LRRIQ3: variants seen among roughly 807,000 people sequenced by gnomAD.
LRRIQ3 encodes leucine-rich repeat and IQ domain-containing protein 3.
In LRRIQ3, 75 loss-of-function variants were observed where a neutral mutation model predicts 59.3. That is an observed-to-expected ratio of 1.26 (90% CI 1.05 to 1.53). The LOEUF (loss-of-function observed/expected upper bound fraction) is 1.53, where lower values mean the gene tolerates loss of function less well. Among genes scored for constraint, LRRIQ3 ranks in the 40% most tolerant of loss-of-function variants. The pLI, the probability that LRRIQ3 is intolerant of heterozygous loss-of-function variation, is 0.00. For missense variants in LRRIQ3, 831 were observed against 710.0 expected, an observed-to-expected ratio of 1.17 and a Z score of -1.94; for synonymous variants, 250 against 231.3, an observed-to-expected ratio of 1.08 and a Z score of -0.73.
chr1:74,076,598 G>T (rs1646213241), intron 5 of LRRIQ3, among the ~76,000 whole-genome samples: 1 of 152,076 alleles, frequency 6.6e-6, no homozygotes, highest in African/African-American at 2.4e-5. Context: ...CTGTTCACTT[G>T]TTCAAACCTC....
intron 5 of LRRIQ3, chr1:74,081,830 T>A (rs1437483538): frequency 6.6e-6 from 1 of 151,434 alleles, no homozygotes; most frequent in East Asian, 1.9e-4. Context: ...AGAGTATAAC[T>A]CTCCCTTAAA....
chr1:74,135,474 C>T (rs950134549), intron 4 of LRRIQ3, among the ~76,000 whole-genome samples: 1 of 151,802 alleles, frequency 6.6e-6, no homozygotes, highest in South Asian at 2.1e-4. Flanking sequence ...GAAACATTCT[C>T]CAGGATATAT....
chr1:74,196,434 A>G (rs1651134283), intron 1 of LRRIQ3, among the ~76,000 whole-genome samples: 1 of 152,090 alleles, frequency 6.6e-6, no homozygotes, highest in Non-Finnish European at 1.5e-5. Context: ...CTTGCTGACA[A>G]TTCCCAAAAT....
intron 7 of LRRIQ3, among the ~76,000 whole-genome samples, chr1:74,031,813 T>C (rs2100360752): frequency 6.6e-6 from 1 of 152,096 alleles, no homozygotes; most frequent in Middle Eastern, 3.4e-3. Flanking sequence ...AAATAATCAA[T>C]TATATCATTA....
intron 4 of LRRIQ3, chr1:74,144,381 C>A: frequency 4.0e-6 from 1 of 247,214 alleles, no homozygotes. Context: ...TTCTGTAGTC[C>A]AGTTTAACAT....
In LRRIQ3 at chr1:74,041,365, A is replaced by G; in HGVS notation, c.1566T>C (p.Asn522=). The part of the protein sequence containing the change: ...ASERLLVQNL[N]NERTLLTRGL... ...CTCTGGTCAAAAGAGTGCGCTCATTATTTAAGTTTTGAACTAATAAACGCT... is the reference window on the plus strand; with the variant it reads ...CTCTGGTCAAAAGAGTGCGCTCATTGTTTAAGTTTTGAACTAATAAACGCT... Residue 522 remains asparagine, a synonymous_variant, in exon 7 of 8, where the codon AAT becomes AAC. Transcript: ENST00000354431. 1 of 1,613,846 alleles carries G rather than the reference A, an allele frequency of 6.2e-7. No individual in the cohort carries two copies. The highest frequency in any genetic ancestry group is 1.3e-5 in the African/African-American group (1 of 75,026).
chr1:74,040,112 A>C (rs1214404173), intron 7 of LRRIQ3, among the ~76,000 whole-genome samples: 1 of 151,782 alleles, frequency 6.6e-6, no homozygotes, highest in Non-Finnish European at 1.5e-5. Context: ...AATGGAAAGG[A>C]AAAAAGAAAA....
At chr1:74,111,615 A>T (rs1646695731) in intron 4 of LRRIQ3, among the ~76,000 whole-genome samples, 1 of 152,070 alleles carries the variant, frequency 6.6e-6, no homozygotes, top group East Asian at 1.9e-4. Context: ...AGTGGAAATT[A>T]TTTTTTTAAG....
At position 74,041,947 on chromosome 1, in the gene LRRIQ3, A is replaced by C; in HGVS notation, c.998-14T>G. On this transcript the variant is annotated splice_polypyrimidine_tract_variant and intron_variant, in intron 6 of 7. Coordinates refer to ENST00000354431, the MANE Select transcript of LRRIQ3 (RefSeq NM_001105659.2). ...CAGACTCCTGACCTACATCAAACAG[A>C]AGCAAATATTATACATTATACAAGA... The C allele has an allele frequency of 6.4e-7, 1 of 1,570,918 alleles. No homozygotes were observed. The highest frequency in any genetic ancestry group is 8.6e-7 in the Non-Finnish European group (1 of 1,162,302).
intron 3 of LRRIQ3, among the ~76,000 whole-genome samples, chr1:74,161,567 A>G (rs1180170476): frequency 6.6e-6 from 1 of 151,896 alleles, no homozygotes; most frequent in Non-Finnish European, 1.5e-5. Context: ...GGATGGGGGT[A>G]GAAGTGTTGG....
intron 3 of LRRIQ3, among the ~76,000 whole-genome samples, chr1:74,158,890 T>A (rs973831136): frequency 7.9e-5 from 12 of 152,148 alleles, no homozygotes; most frequent in African/African-American, 2.4e-4. Flanking sequence ...AAAATATTTG[T>A]TAGCCCAACT....
intron 7 of LRRIQ3, among the ~76,000 whole-genome samples, chr1:74,034,625 A>G (rs1653812624): frequency 1.1e-5 from 1 of 93,092 alleles, no homozygotes; most frequent in Non-Finnish European, 2.3e-5. Context: ...ATATTTCCAA[A>G]GCACACACAG....
At chr1:74,129,341 G>T (rs142022967) in intron 4 of LRRIQ3, among the ~76,000 whole-genome samples, 2 of 152,124 alleles carry the variant, frequency 1.3e-5, no homozygotes, top group African/African-American at 2.4e-5. Flanking sequence ...AAGCAGAGAA[G>T]TCTCTCCCTG....
chr1:74,148,662 C>T (rs145721010), intron 4 of LRRIQ3, among the ~76,000 whole-genome samples: 8 of 152,288 alleles, frequency 5.3e-5, no homozygotes, highest in African/African-American at 1.9e-4. Context: ...TTTTAAAGTA[C>T]TCGTGAGATA....
intron 6 of LRRIQ3, among the ~76,000 whole-genome samples, chr1:74,055,181 T>C (rs1557595402): frequency 5.9e-3 from 3 of 506 alleles, no homozygotes; most frequent in Non-Finnish European, 5.6e-3. Flanking sequence ...ATATACACTT[T>C]ATATATATAT....
intron 5 of LRRIQ3, among the ~76,000 whole-genome samples, chr1:74,075,383 A>G (rs1003797444): frequency 3.3e-5 from 5 of 152,050 alleles, no homozygotes; most frequent in African/African-American, 1.2e-4. Flanking sequence ...CCTGGCCAAC[A>G]TGGCGAAACC....
At chr1:74,075,150 A>G (rs538782781) in intron 5 of LRRIQ3, among the ~76,000 whole-genome samples, 1 of 152,146 alleles carries the variant, frequency 6.6e-6, no homozygotes, top group Non-Finnish European at 1.5e-5. Context: ...ATTCAGAGTA[A>G]TAAAGGGAGG....
chr1:74,122,272 T>C (rs1646870509), intron 4 of LRRIQ3, among the ~76,000 whole-genome samples: 1 of 152,128 alleles, frequency 6.6e-6, no homozygotes, highest in African/African-American at 2.4e-5. Flanking sequence ...TAATGATCGC[T>C]ATTCTAATTG....
intron 4 of LRRIQ3, among the ~76,000 whole-genome samples, chr1:74,150,071 T>G (rs1373674626): frequency 6.6e-6 from 1 of 152,216 alleles, no homozygotes; most frequent in African/African-American, 2.4e-5. Context: ...AAAATTGCTG[T>G]TATAATCAGG....
Sources: allele counts gnomAD v4.1 joint callset (sites outside exome capture counted in the v4.1 genomes callset), GRCh38; gene constraint gnomAD v4.1.1; transcripts MANE v1.5; gene names NCBI Gene and HGNC (gene_info 2026-07-23, HGNC 2026-07-21).